Variants in RGS7 observed in about 807,000 individuals in gnomAD.
The protein encoded by RGS7 is regulator of G-protein signaling 7.
RGS7 carries 27 observed loss-of-function variants against 81.1 expected under a neutral mutation model. The observed-to-expected ratio is 0.33, with a 90% CI of 0.25 to 0.46. The LOEUF (loss-of-function observed/expected upper bound fraction) is 0.46. RGS7 is among the 20% of genes least tolerant of loss of function. The pLI is 1.00. For missense variants in RGS7, 396 were observed against 607.4 expected, an observed-to-expected ratio of 0.65 and a Z score of 3.66; for synonymous variants, 208 against 207.7, an observed-to-expected ratio of 1.00 and a Z score of -0.01.
chr1:241,106,499 A>C (rs2065106942), intron 2 of RGS7, among the ~76,000 whole-genome samples: 1 of 152,132 alleles, frequency 6.6e-6, no homozygotes, highest in African/African-American at 2.4e-5. Flanking sequence ...GGATCACCTG[A>C]GGTCCGGAGT....
At chr1:240,793,649 G>A (rs1210236498) in intron 18 of RGS7, among the ~76,000 whole-genome samples, 4 of 115,408 alleles carry the variant, frequency 3.5e-5, no homozygotes, top group South Asian at 2.6e-4. Context: ...TTGCACTGTC[G>A]CCCAGGCTGG....
At chr1:241,318,861 T>C (rs1488262680) in intron 2 of RGS7, among the ~76,000 whole-genome samples, 2 of 152,220 alleles carry the variant, frequency 1.3e-5, no homozygotes, top group African/African-American at 4.8e-5. Flanking sequence ...AAGCAATACA[T>C]ATTCGATTTG....
intron 5 of RGS7, among the ~76,000 whole-genome samples, chr1:240,933,007 C>T (rs1172211691): frequency 4.7e-5 from 7 of 149,534 alleles, no homozygotes; most frequent in Non-Finnish European, 8.9e-5. Context: ...CCTCAGCCTC[C>T]CGAGTAGCTG....
intron 2 of RGS7, among the ~76,000 whole-genome samples, chr1:241,252,334 G>A (rs1248277096): frequency 1.3e-5 from 2 of 152,156 alleles, no homozygotes; most frequent in African/African-American, 4.8e-5. Context: ...GTGAGCCACA[G>A]CGCCGGACCT....
intron 18 of RGS7, among the ~76,000 whole-genome samples, chr1:240,781,421 C>T (rs1292112723): frequency 6.6e-6 from 1 of 152,104 alleles, no homozygotes; most frequent in Non-Finnish European, 1.5e-5. Flanking sequence ...GTCTGGCCAA[C>T]ATGGTGAAAC....
At chr1:240,811,811 T>A in intron 14 of RGS7, 107 bp downstream of exon 14, 1 of 1,045,086 alleles carries the variant, frequency 9.6e-7, no homozygotes, top group East Asian at 2.4e-5. Context: ...GTTCATGACA[T>A]CATTATGATG....
At position 241,324,343 on chromosome 1, in the gene RGS7, A is replaced by C. The variant is rs572469051; in HGVS notation, c.78+31356T>G. On this transcript the variant is annotated intron_variant, in intron 2 of 18. Coordinates refer to ENST00000440928, the MANE Select transcript of RGS7 (RefSeq NM_001364886.1). ...AAAAATATATAAAAGCAAAAAAAACAAAAAAAAAAGCAACTTTTTACTTAA... is the reference window on the plus strand; with the variant it reads ...AAAAATATATAAAAGCAAAAAAAACCAAAAAAAAAGCAACTTTTTACTTAA... Among the ~76,000 whole-genome samples, 6 of 137,184 alleles carry C rather than the reference A, an allele frequency of 4.4e-5. 1 individual carries two copies. The South Asian group carries it at 1.2e-3, about 28-fold the overall frequency. The allele number at this position is 137,184 out of a possible 152,430, so 90.0% of individuals were successfully genotyped here.
At chr1:241,213,749 T>C (rs1215220488) in intron 2 of RGS7, among the ~76,000 whole-genome samples, 1 of 152,206 alleles carries the variant, frequency 6.6e-6, no homozygotes, top group Non-Finnish European at 1.5e-5. Context: ...GGTATGAAGA[T>C]TCAGTTAATT....
At chr1:240,958,918 C>T (rs1238757043) in intron 4 of RGS7, among the ~76,000 whole-genome samples, 1 of 152,174 alleles carries the variant, frequency 6.6e-6, no homozygotes, top group African/African-American at 2.4e-5. Flanking sequence ...TGTTATTAGC[C>T]TTTCCTATAC....
At chr1:241,354,965 T>C (rs555819978) in intron 2 of RGS7, among the ~76,000 whole-genome samples, 37 of 152,324 alleles carry the variant, frequency 2.4e-4, no homozygotes, top group Admixed American at 8.5e-4. Context: ...CAAAAGCACA[T>C]GTAATAGTTA....
chr1:240,982,606 T>A (rs1176971500), intron 4 of RGS7, among the ~76,000 whole-genome samples: 1 of 151,872 alleles, frequency 6.6e-6, no homozygotes, highest in Admixed American at 6.6e-5. Flanking sequence ...AGAGCGTTTC[T>A]CTCTCTCTCA....
intron 4 of RGS7, among the ~76,000 whole-genome samples, chr1:240,970,989 AAAAT>A (rs1192384312): frequency 1.7e-4 from 24 of 144,514 alleles, no homozygotes; most frequent in African/African-American, 5.6e-4. Flanking sequence ...AAAACAAAAT[AAAAT>A]AAATAAATAA....
At chr1:240,826,683 C>T (rs534318361) in intron 10 of RGS7, among the ~76,000 whole-genome samples, 7 of 152,088 alleles carry the variant, frequency 4.6e-5, no homozygotes, top group Non-Finnish European at 8.8e-5. Flanking sequence ...CCCTGCACAC[C>T]GATATTCTCT....
intron 18 of RGS7, among the ~76,000 whole-genome samples, chr1:240,785,902 G>A (rs1305368865): frequency 1.3e-5 from 2 of 152,188 alleles, no homozygotes; most frequent in African/African-American, 2.4e-5. Context: ...TTCCTAGAAT[G>A]TTAAAGATAA....
chr1:240,941,538 A>G (rs776812287), intron 4 of RGS7, among the ~76,000 whole-genome samples: 4 of 152,196 alleles, frequency 2.6e-5, no homozygotes, highest in Non-Finnish European at 5.9e-5. Context: ...AAGAATATTA[A>G]AAACCTAACA....
At chr1:241,224,063 A>AATATAT (rs33967533) in intron 2 of RGS7, among the ~76,000 whole-genome samples, 2 of 147,022 alleles carry the variant, frequency 1.4e-5, no homozygotes, top group African/African-American at 5.0e-5. Flanking sequence ...ACTGGTGACC[A>AATATAT]ATATATATAT....
chr1:241,183,689 A>G (rs572289260), intron 2 of RGS7, among the ~76,000 whole-genome samples: 1 of 152,354 alleles, frequency 6.6e-6, no homozygotes, highest in East Asian at 1.9e-4. Context: ...TTTCCAGTCT[A>G]GGCCTCCCAC....
intron 2 of RGS7, among the ~76,000 whole-genome samples, chr1:241,256,430 C>T (rs1447652284): frequency 6.6e-6 from 1 of 152,162 alleles, no homozygotes; most frequent in African/African-American, 2.4e-5. Context: ...CACTGTCAAT[C>T]ATTGAGGATG....
chr1:241,135,977 C>T (rs1023420485), intron 2 of RGS7, among the ~76,000 whole-genome samples: 3 of 143,120 alleles, frequency 2.1e-5, no homozygotes, highest in Non-Finnish European at 3.0e-5. Flanking sequence ...AAAAAAAAAA[C>T]TAGTTTGTTA....
Sources: allele counts gnomAD v4.1 joint callset (sites outside exome capture counted in the v4.1 genomes callset), GRCh38; gene constraint gnomAD v4.1.1; transcripts MANE v1.5; gene names NCBI Gene and HGNC (gene_info 2026-07-23, HGNC 2026-07-21).